Variants in ASXL2 observed in about 807,000 individuals in gnomAD.
ASXL2 encodes the protein putative Polycomb group protein ASXL2.
In ASXL2, 23 loss-of-function variants were observed where a neutral mutation model predicts 122.0. The ratio of observed to expected loss-of-function variants is 0.19; its 90% CI spans 0.14 to 0.27. ASXL2 has a LOEUF of 0.27. ASXL2 is among the 10% of genes least tolerant of loss of function. ASXL2 has a pLI of 1.00. For synonymous variants in ASXL2, 650 were observed against 637.0 expected (o/e 1.02, Z -0.31); for missense variants, 1,518 against 1,713.8 (o/e 0.89, Z 2.02).
chr2:25,810,426 C>A, intron 3 of ASXL2: 1 of 696,488 alleles, frequency 1.4e-6, no homozygotes, highest in East Asian at 2.7e-5. Context: ...CCGCTTCTTC[C>A]GGCTTTTGCA....
At chr2:25,808,170 T>A (rs930772950) in intron 3 of ASXL2, among the ~76,000 whole-genome samples, 3 of 152,144 alleles carry the variant, frequency 2.0e-5, no homozygotes, top group Non-Finnish European at 4.4e-5. Context: ...TGTGTGGTAT[T>A]AGGAAGCAAG....
At chr2:25,873,413 AAAT>A (rs1295070158) in intron 1 of ASXL2, among the ~76,000 whole-genome samples, 6 of 152,254 alleles carry the variant, frequency 3.9e-5, no homozygotes, top group Admixed American at 6.5e-5. Flanking sequence ...CTGTCTCAAA[AAAT>A]AATAATATTT....
chr2:25,801,099 T>A (rs1014738933), intron 4 of ASXL2, among the ~76,000 whole-genome samples: 5 of 152,108 alleles, frequency 3.3e-5, no homozygotes, highest in African/African-American at 1.2e-4. Flanking sequence ...GCTAATTTTT[T>A]AAATTTTTTT....
intron 1 of ASXL2, chr2:25,856,628 GA>G: frequency 2.4e-6 from 3 of 1,246,290 alleles, no homozygotes; most frequent in Non-Finnish European, 3.5e-6. Context: ...GGTCAGCAAT[GA>G]AAATGTCCTC....
At chr2:25,794,325 GATAAAA>G (rs2088880739) in intron 5 of ASXL2, among the ~76,000 whole-genome samples, 1 of 152,108 alleles carries the variant, frequency 6.6e-6, no homozygotes, top group Non-Finnish European at 1.5e-5. Context: ...TCTATCAGAA[GATAAAA>G]ATAATAGTCC....
At chr2:25,852,671 G>C (rs551485007) in intron 1 of ASXL2, among the ~76,000 whole-genome samples, 4 of 152,210 alleles carry the variant, frequency 2.6e-5, no homozygotes, top group Middle Eastern at 3.2e-3. Context: ...CAACGTTTAA[G>C]AGCCAGAGAA....
Position 25,786,482 on chromosome 2 carries a change from G to A in ASXL2, c.403+12903C>T, listed in dbSNP as rs542457943. Among the ~76,000 whole-genome samples the A allele has an allele frequency of 9.9e-4, 150 of 151,530 alleles. 1 individual carries two copies. The highest frequency in any genetic ancestry group is 3.4e-3 in the African/African-American group (139 of 41,300). On this transcript the variant is annotated intron_variant, in intron 5 of 12. Transcript: ENST00000435504. ...TCTCGATCTCCTGACCTTGTGATAC[G>A]CCTGTCTTGGCCTCCTGAAGTGCTG... is the stretch of plus-strand genomic sequence containing the variant.
chr2:25,817,445 C>T (rs1030585540), intron 3 of ASXL2, among the ~76,000 whole-genome samples: 1 of 152,118 alleles, frequency 6.6e-6, no homozygotes, highest in Non-Finnish European at 1.5e-5. Flanking sequence ...TAGTAACTTT[C>T]TTGGTCTCTT....
intron 5 of ASXL2, among the ~76,000 whole-genome samples, chr2:25,785,423 C>T (rs2088723447): frequency 1.3e-5 from 2 of 152,136 alleles, no homozygotes; most frequent in Non-Finnish European, 2.9e-5. Context: ...TGGGGTTTCA[C>T]CATGGTGGCC....
At chr2:25,784,535 A>G (rs932726181) in intron 5 of ASXL2, among the ~76,000 whole-genome samples, 2 of 152,226 alleles carry the variant, frequency 1.3e-5, no homozygotes, top group African/African-American at 4.8e-5. Flanking sequence ...CAAGACACTT[A>G]TTCCTTCACA....
intron 1 of ASXL2, among the ~76,000 whole-genome samples, chr2:25,846,678 T>C (rs1185755752): frequency 6.6e-6 from 1 of 151,168 alleles, no homozygotes; most frequent in African/African-American, 2.4e-5. Context: ...TAGCAGGGCA[T>C]GGTGGTGCTC....
chr2:25,869,131 C>T (rs1482613217), intron 1 of ASXL2, among the ~76,000 whole-genome samples: 1 of 150,236 alleles, frequency 6.7e-6, no homozygotes, highest in East Asian at 2.0e-4. Context: ...CGCCATTGCA[C>T]TCCAGCCTGG....
intron 2 of ASXL2, among the ~76,000 whole-genome samples, chr2:25,844,557 CAA>C (rs2089627288): frequency 1.4e-5 from 2 of 146,354 alleles, no homozygotes; most frequent in East Asian, 2.0e-4. Flanking sequence ...GCCTGGGTGA[CAA>C]AGTCAGACTC....
chr2:25,817,960 C>A (rs529014469), intron 3 of ASXL2, among the ~76,000 whole-genome samples: 12 of 152,198 alleles, frequency 7.9e-5, no homozygotes, highest in Non-Finnish European at 1.8e-4. Context: ...TAGATCATAT[C>A]ACCAAAACTT....
chr2:25,787,201 CTT>C (rs2088762199), intron 5 of ASXL2, among the ~76,000 whole-genome samples: 1 of 152,226 alleles, frequency 6.6e-6, no homozygotes, highest in African/African-American at 2.4e-5. Flanking sequence ...CCAGAACACT[CTT>C]TACCTGAGCC....
chr2:25,851,598 C>T (rs2089715967), intron 1 of ASXL2, among the ~76,000 whole-genome samples: 1 of 152,262 alleles, frequency 6.6e-6, no homozygotes. Flanking sequence ...TGTAGCTTCC[C>T]TCCCTTTGAT....
At chr2:25,836,139 C>T (rs1320160300) in intron 2 of ASXL2, among the ~76,000 whole-genome samples, 1 of 152,060 alleles carries the variant, frequency 6.6e-6, no homozygotes. Context: ...TGCCTCATGC[C>T]GAGGCCAAAG....
At chr2:25,769,387 A>C (rs2088408118) in intron 6 of ASXL2, among the ~76,000 whole-genome samples, 1 of 152,194 alleles carries the variant, frequency 6.6e-6, no homozygotes, top group African/African-American at 2.4e-5. Flanking sequence ...AAATAACTAC[A>C]TCAGTTGTCT....
intron 8 of ASXL2, among the ~76,000 whole-genome samples, chr2:25,762,664 C>CGA (rs1189322532): frequency 4.1e-4 from 17 of 41,214 alleles, no homozygotes; most frequent in Non-Finnish European, 5.1e-4. Context: ...GACTCTTTCT[C>CGA]GAAAAAAAAA....
Sources: allele counts gnomAD v4.1 joint callset (sites outside exome capture counted in the v4.1 genomes callset), GRCh38; gene constraint gnomAD v4.1.1; transcripts MANE v1.5; gene names NCBI Gene and HGNC (gene_info 2026-07-23, HGNC 2026-07-21).